The following ADRA1B variants were observed in gnomAD, a reference collection of about 807,000 sequenced individuals.
ADRA1B encodes the protein adrenoceptor alpha 1B, also known as alpha-1B adrenergic receptor.
A neutral mutation model predicts 17.9 loss-of-function variants in ADRA1B; 17 were observed. That is an observed-to-expected ratio of 0.95 (90% CI 0.65 to 1.42). The LOEUF (loss-of-function observed/expected upper bound fraction) is 1.42, where lower values mean the gene tolerates loss of function less well. Ranked by LOEUF, ADRA1B falls within the 40% of genes most tolerant of loss-of-function variation. ADRA1B has a pLI of 0.00. For missense variants in ADRA1B, 681 were observed against 722.1 expected (o/e 0.94, Z 0.65); for synonymous variants, 366 against 327.6 (o/e 1.12, Z -1.27).
chr5:159,951,388 T>C (rs1755435192), intron 1 of ADRA1B: 1 of 901,250 alleles, frequency 1.1e-6, no homozygotes, highest in Non-Finnish European at 1.8e-6. Flanking sequence ...TTGAGGTCAA[T>C]GAAGGGTCAT....
chr5:159,874,264 G>A (rs1253446526), intron 1 of ADRA1B, among the ~76,000 whole-genome samples: 1 of 152,084 alleles, frequency 6.6e-6, no homozygotes, highest in South Asian at 2.1e-4. Flanking sequence ...CTCTGCCCTT[G>A]GGAAGAACCT....
intron 1 of ADRA1B, among the ~76,000 whole-genome samples, chr5:159,936,050 A>C (rs571973332): frequency 1.3e-5 from 2 of 152,342 alleles, no homozygotes; most frequent in South Asian, 2.1e-4. Flanking sequence ...TGGGTGTTGC[A>C]AAGATGAAAT....
Position 159,917,772 on chromosome 5 carries a change from A to G in ADRA1B, c.867A>G (p.Glu289=), listed in dbSNP as rs778325967. 1 of 1,614,066 alleles carries G rather than the reference A, an allele frequency of 6.2e-7. No homozygotes were observed. Among genetic ancestry groups the G allele is most frequent in the Non-Finnish European group, 8.5e-7 (1 of 1,180,036 alleles). The change falls in exon 1 of 2, where the codon GAA becomes GAG. Residue 289 remains glutamate (E), a synonymous_variant. Transcript: ENST00000306675. ...IAVKLFKFSR[E]KKAAKTLGIV... ...TCAAACTTTTTAAGTTCTCCAGGGA[A>G]AAGAAAGCAGCTAAGACGTTGGGCA...
chr5:159,913,641 T>A (rs1754250476), upstream of ADRA1B, among the ~76,000 whole-genome samples: 5 of 152,248 alleles, frequency 3.3e-5, no homozygotes. Flanking sequence ...ATAAACCATC[T>A]CTGAATCTCA....
chr5:159,937,119 C>T (rs1014531269), intron 1 of ADRA1B, among the ~76,000 whole-genome samples: 1 of 152,216 alleles, frequency 6.6e-6, no homozygotes, highest in African/African-American at 2.4e-5. Flanking sequence ...AGTTTAAGAA[C>T]CACCAGCCTA....
chr5:159,871,573 T>C (rs1358208223), intron 1 of ADRA1B, among the ~76,000 whole-genome samples: 1 of 152,090 alleles, frequency 6.6e-6, no homozygotes, highest in East Asian at 1.9e-4. Context: ...TCCCTCTCTT[T>C]TATTTTATAA....
the ADRA1B span, among the ~76,000 whole-genome samples, chr5:159,982,846 G>A: frequency 2.0e-5 from 3 of 152,208 alleles, no homozygotes; most frequent in Non-Finnish European, 1.5e-5. Context: ...TCCAGGGAAA[G>A]GATGGGTGGG....
chr5:159,972,225 C>A lies in ADRA1B; in HGVS notation c.1296C>A (p.Gly432=). The change falls in exon 2 of 2, where the codon GGC becomes GGA. Residue 432 remains glycine, a synonymous_variant. Coordinates refer to ENST00000306675, the MANE Select transcript of ADRA1B (RefSeq NM_000679.4). ...PSASPSPGYL[G]RGAPPPVELC... ...CCTCGCCGAGCCCGGGCTACCTGGG[C>A]CGCGGCGCGCCACCGCCAGTCGAGC... 7.4e-7 allele frequency: 1 copy of A among 1,352,222 alleles called. No homozygotes were observed. Among genetic ancestry groups the A allele is most frequent in the Non-Finnish European group, 9.5e-7 (1 of 1,049,520 alleles). 83.8% of individuals were successfully genotyped at this position (1,352,222 alleles called of 1,614,324 possible). A position where few individuals can be genotyped will look rare whatever the true frequency, so the allele number is the denominator to read the frequency against.
intron 1 of ADRA1B, among the ~76,000 whole-genome samples, chr5:159,959,682 A>G (rs895793580): frequency 2.0e-5 from 3 of 152,182 alleles, no homozygotes; most frequent in Non-Finnish European, 4.4e-5. Flanking sequence ...GTGACACAAA[A>G]TTCCTGGCTT....
chr5:159,968,005 T>G (rs1010695976), intron 1 of ADRA1B, among the ~76,000 whole-genome samples: 1 of 152,218 alleles, frequency 6.6e-6, no homozygotes, highest in African/African-American at 2.4e-5. Context: ...TAATGCTACA[T>G]GTGTTCTGTT....
the ADRA1B span, among the ~76,000 whole-genome samples, chr5:159,981,680 T>C: frequency 6.6e-6 from 1 of 152,164 alleles, no homozygotes; most frequent in Non-Finnish European, 1.5e-5. Flanking sequence ...TATTTTTTAG[T>C]AGAGATGGGG....
chr5:159,882,712 G>A (rs954750846), intron 1 of ADRA1B, among the ~76,000 whole-genome samples: 4 of 152,096 alleles, frequency 2.6e-5, no homozygotes, highest in African/African-American at 9.7e-5. Context: ...GCAGAACAGG[G>A]ATGAACTCGT....
chr5:159,901,117 T>G (rs1354690864), intron 1 of ADRA1B, among the ~76,000 whole-genome samples: 1 of 151,748 alleles, frequency 6.6e-6, no homozygotes, highest in Non-Finnish European at 1.5e-5. Context: ...ATATATGTAC[T>G]ATTTTTAAGT....
At chr5:159,933,477 C>T (rs1754869229) in intron 1 of ADRA1B, among the ~76,000 whole-genome samples, 1 of 152,216 alleles carries the variant, frequency 6.6e-6, no homozygotes, top group South Asian at 2.1e-4. Context: ...ATGCTGATAG[C>T]GTCTCACTGC....
chr5:159,924,363 A>T (rs1156256073), intron 1 of ADRA1B, among the ~76,000 whole-genome samples: 1 of 152,080 alleles, frequency 6.6e-6, no homozygotes, highest in Non-Finnish European at 1.5e-5. Context: ...CCTTTCAGAA[A>T]TTTTTTTCAA....
At chr5:159,924,364 T>C (rs1472251664) in intron 1 of ADRA1B, among the ~76,000 whole-genome samples, 1 of 152,122 alleles carries the variant, frequency 6.6e-6, no homozygotes, top group Non-Finnish European at 1.5e-5. Context: ...CTTTCAGAAA[T>C]TTTTTTCAAA....
chr5:159,910,060 A>C (rs74335203), intron 1 of ADRA1B, among the ~76,000 whole-genome samples: 1 of 152,370 alleles, frequency 6.6e-6, no homozygotes, highest in African/African-American at 2.4e-5. Context: ...ATATACATAC[A>C]TACATATACG....
At chr5:159,981,189 A>T in the ADRA1B span, among the ~76,000 whole-genome samples, 2 of 152,202 alleles carry the variant, frequency 1.3e-5, no homozygotes, top group African/African-American at 2.4e-5. Context: ...AAGATTTCTG[A>T]ATCCCGGCAC....
At chr5:159,880,874 T>C (rs1233768113) in intron 1 of ADRA1B, among the ~76,000 whole-genome samples, 2 of 152,194 alleles carry the variant, frequency 1.3e-5, no homozygotes, top group Non-Finnish European at 2.9e-5. Flanking sequence ...TTCATGCTGG[T>C]ACCCACAGTG....
Sources: allele counts gnomAD v4.1 joint callset (sites outside exome capture counted in the v4.1 genomes callset), GRCh38; gene constraint gnomAD v4.1.1; transcripts MANE v1.5; gene names NCBI Gene and HGNC (gene_info 2026-07-23, HGNC 2026-07-21).